Variants in ZNF106 observed in about 807,000 individuals in gnomAD.
ZNF106 encodes zinc finger protein 106.
A neutral mutation model predicts 195.1 loss-of-function variants in ZNF106; 67 were observed. That is an observed-to-expected ratio of 0.34 (90% CI 0.28 to 0.42). The LOEUF (loss-of-function observed/expected upper bound fraction) is 0.42. ZNF106 is among the 10% of genes least tolerant of loss of function. The probability of loss-of-function intolerance (pLI) is 1.00; values close to 1 mark genes in which losing one functional copy is unlikely to be tolerated. For synonymous variants in ZNF106, 784 were observed against 818.6 expected (o/e 0.96, Z 0.72); for missense variants, 2,118 against 2,304.5 (o/e 0.92, Z 1.66).
chr15:42,418,395 G>A (rs2054531997), intron 20 of ZNF106, among the ~76,000 whole-genome samples: 1 of 127,204 alleles, frequency 7.9e-6, no homozygotes, highest in East Asian at 2.3e-4. Flanking sequence ...TTTCACTCCT[G>A]TTGCCCAGGC....
Position 42,451,449 on chromosome 15 carries a change from AATTTCT to A in ZNF106, c.817_822del (p.Arg273_Asn274del). ...GTCATGTCTTCCATTTGACAGTTAG[AATTTCT>A]GTTTCTGCCTGGTTGAAATTTGTCT... is the stretch of plus-strand genomic sequence containing the variant. On this transcript the variant is annotated inframe_deletion, in exon 5 of 22. Transcript: ENST00000564754. The A allele has an allele frequency of 2.5e-6, 4 of 1,614,128 alleles. No individual in the cohort carries two copies. Among genetic ancestry groups the A allele is most frequent in the Non-Finnish European group, 3.4e-6 (4 of 1,180,034 alleles).
At chr15:42,422,723 CATATAATTA>C in intron 17 of ZNF106, 103 bp from the exon 18 acceptor site, 1 of 1,182,234 alleles carries the variant, frequency 8.5e-7, no homozygotes, top group Non-Finnish European at 1.1e-6. Flanking sequence ...ATACTGTACA[CATATAATTA>C]ATACAATTAA....
intron 16 of ZNF106, chr15:42,424,632 C>A: frequency 1.9e-6 from 1 of 539,186 alleles, no homozygotes; most frequent in Non-Finnish European, 3.3e-6. Context: ...GTGCACACCA[C>A]AACATCCCGC....
chr15:42,420,260 C>G (rs1285679799), intron 20 of ZNF106, among the ~76,000 whole-genome samples: 1 of 152,200 alleles, frequency 6.6e-6, no homozygotes, highest in Non-Finnish European at 1.5e-5. Flanking sequence ...TGCCATCCCA[C>G]TCCATCTTGC....
At chr15:42,456,238 T>C (rs962752746) in intron 4 of ZNF106, among the ~76,000 whole-genome samples, 1 of 152,222 alleles carries the variant, frequency 6.6e-6, no homozygotes, top group African/African-American at 2.4e-5. Flanking sequence ...GACTACACTG[T>C]TATTTTGGCG....
rs1208386862 is a variant in ZNF106 at position 42,437,371 on chromosome 15, G to T, written c.4607C>A (p.Ser1536Tyr). 1 of 1,612,302 alleles carries T rather than the reference G, an allele frequency of 6.2e-7. No homozygotes were observed. Among genetic ancestry groups the T allele is most frequent in the Non-Finnish European group, 8.5e-7 (1 of 1,179,668 alleles). Residue 1536 changes from serine to tyrosine, a missense_variant, in exon 13 of 22, where the codon TCT becomes TAT. Ser to Tyr is a moderately radical substitution (Grantham distance 144). Coordinates refer to ENST00000564754, the MANE Select transcript of ZNF106 (RefSeq NM_001366845.3). ...TTCATCATCATCTCCTGGCTCTGAA[G>T]ATATTTCTGGAAAACAAGAATAGGT... ...IKGSKNSSEI[S>Y]SEPGDDDEPT...
chr15:42,470,549 G>A (rs1306664273), intron 2 of ZNF106, among the ~76,000 whole-genome samples: 1 of 152,020 alleles, frequency 6.6e-6, no homozygotes, highest in Non-Finnish European at 1.5e-5. Context: ...ACTACAATCA[G>A]CTTTTCCTAG....
chr15:42,468,468 G>A (rs920734023), intron 2 of ZNF106, among the ~76,000 whole-genome samples: 2 of 151,968 alleles, frequency 1.3e-5, no homozygotes, highest in Non-Finnish European at 2.9e-5. Context: ...GAGTAGGCCA[G>A]GTGCGGTGGC....
rs974422279 is a variant in ZNF106, at chr15:42,414,311, A to G, written c.*2993T>C. On this transcript the variant is annotated 3_prime_UTR_variant, in exon 22 of 22. Coordinates refer to ENST00000564754, the MANE Select transcript of ZNF106 (RefSeq NM_001366845.3). ...CTCTTGTAAGTAGTAACACACAGCC[A>G]TAAGCAGCCAAAATGCTTATGGTCC... 1 of 152,284 alleles carries G rather than the reference A, an allele frequency of 6.6e-6. No individual in the cohort carries two copies. The highest frequency in any genetic ancestry group is 1.5e-5 in the Non-Finnish European group (1 of 68,052). 9.4% of individuals were successfully genotyped at this position (152,284 alleles called of 1,614,324 possible).
rs749377790 is a variant in ZNF106, at chr15:42,444,870, G to C, written c.3317C>G (p.Thr1106Arg). ...TAGCCTCTGAACTTCCACATAAGCT[G>C]TCTGAAGGGCTGCACGGGCTTGCAG... The part of the protein sequence containing the change: ...NLLQARAALQ[T>R]AYVEVQRLLM... The change falls in exon 8 of 22, where the codon ACA becomes AGA. Residue 1106 changes from threonine to arginine, a missense_variant. Coordinates refer to ENST00000564754, the MANE Select transcript of ZNF106 (RefSeq NM_001366845.3). 8 of 1,614,056 alleles carry C rather than the reference G, an allele frequency of 5.0e-6. No individual in the cohort carries two copies. Among genetic ancestry groups the C allele is most frequent in the East Asian group, 2.2e-5 (1 of 44,894 alleles).
At chr15:42,460,282 C>A (rs2056357714) in intron 3 of ZNF106, among the ~76,000 whole-genome samples, 1 of 151,954 alleles carries the variant, frequency 6.6e-6, no homozygotes, top group South Asian at 2.1e-4. Context: ...CTATCAAAAC[C>A]CCTCGCTCTT....
intron 4 of ZNF106, among the ~76,000 whole-genome samples, chr15:42,454,798 T>G (rs1171925441): frequency 6.7e-6 from 1 of 149,098 alleles, no homozygotes; most frequent in Non-Finnish European, 1.5e-5. Flanking sequence ...TCTCGGGAGG[T>G]TGAGGTGGGA....
At position 42,448,342 on chromosome 15, in the gene ZNF106, G is replaced by C. The variant is rs1320104950; in HGVS notation, c.2865C>G (p.Thr955=). ...RTGERAENVA[T]QRRHSAQLSS... ...ATAATTGTGCACTATGTCGCCTTTG[G>C]GTAGCAACATTTTCAGCCCTTTCAC... Residue 955 remains threonine (T), a synonymous_variant, in exon 6 of 22, where the codon ACC becomes ACG. Coordinates refer to ENST00000564754, the MANE Select transcript of ZNF106 (RefSeq NM_001366845.3). 18 of 1,614,146 alleles carry C rather than the reference G, an allele frequency of 1.1e-5. No homozygotes were observed. Among genetic ancestry groups the C allele is most frequent in the Non-Finnish European group, 1.5e-5 (18 of 1,180,026 alleles).
chr15:42,425,204 C>G (rs904208309), intron 15 of ZNF106, among the ~76,000 whole-genome samples, 179 bp from the exon 16 acceptor site: 1 of 152,178 alleles, frequency 6.6e-6, no homozygotes. Context: ...TACTGAACCT[C>G]CCCCATCCCC....
Position 42,448,630 on chromosome 15 carries a change from G to A in ZNF106, c.2577C>T (p.Ser859=). Residue 859 remains serine (S), a synonymous_variant, in exon 6 of 22, where the codon TCC becomes TCT. Coordinates refer to ENST00000564754, the MANE Select transcript of ZNF106 (RefSeq NM_001366845.3). ...ALDLDGEPDL[S]SLEGFQWEGV... is the part of the protein sequence containing the mutation. Reference sequence around the variant, plus strand: ...CTTCCCACTGGAATCCTTCTAGACTGGACAGATCAGGTTCCCCATCCAAAT... The same window carrying A: ...CTTCCCACTGGAATCCTTCTAGACTAGACAGATCAGGTTCCCCATCCAAAT... The A allele has an allele frequency of 1.2e-6, 2 of 1,613,740 alleles. No individual in the cohort carries two copies. The highest frequency in any genetic ancestry group is 1.7e-6 in the Non-Finnish European group (2 of 1,180,022).
rs2054428021 is a variant in ZNF106, at chr15:42,415,652, A to G, written c.*1652T>C. The G allele has an allele frequency of 3.6e-6, 1 of 276,100 alleles. No homozygotes were observed. Among genetic ancestry groups the G allele is most frequent in the Non-Finnish European group, 7.3e-6 (1 of 137,374 alleles). 17.1% of individuals were successfully genotyped at this position (276,100 alleles called of 1,614,324 possible). On this transcript the variant is annotated 3_prime_UTR_variant, in exon 22 of 22. Coordinates refer to ENST00000564754, the MANE Select transcript of ZNF106 (RefSeq NM_001366845.3). ...CGAAGACAGACCTGGATGGTCTGCA[A>G]TCCCAGAGAGCATGAGGCACCATGT... is the stretch of plus-strand genomic sequence containing the variant.
chr15:42,445,319 C>T (rs977627221), intron 7 of ZNF106, among the ~76,000 whole-genome samples: 2 of 152,198 alleles, frequency 1.3e-5, no homozygotes, highest in African/African-American at 4.8e-5. Flanking sequence ...CCTTTATCTA[C>T]CACTGTCTTC....
Position 42,449,977 on chromosome 15 carries a change from A to G in ZNF106, c.2295T>C (p.Thr765=), listed in dbSNP as rs749892503. ...LTRHISLKSK[T]GVHLPEPNLN... ...GGTTTGGCTCAGGAAGGTGTACTCC[A>G]GTTTTGCTCTTCAAACTAATGTGCC... Residue 765 remains threonine, a synonymous_variant, in exon 5 of 22, where the codon ACT becomes ACC. Transcript: ENST00000564754. The G allele has an allele frequency of 1.2e-6, 2 of 1,614,188 alleles. No homozygotes were observed. Among genetic ancestry groups the G allele is most frequent in the South Asian group, 1.1e-5 (1 of 91,086 alleles).
In ZNF106 at chr15:42,439,316, T is replaced by C. The variant is rs1427516704; in HGVS notation, c.4261A>G (p.Thr1421Ala). 1.9e-6 allele frequency: 3 copies of C among 1,614,050 alleles called. No homozygotes were observed. The highest frequency in any genetic ancestry group is 2.5e-6 in the Non-Finnish European group (3 of 1,180,016). ...GKLIKGGKVT[T>A]STWEDSRTGR... is the part of the protein sequence containing the mutation. ...GTCCTGCTGTCTTCCCAAGTGGAGG[T>C]TGTTACTTTCCCCCCTTTAATTAAC... Residue 1421 changes from threonine (T) to alanine (A), a missense_variant, in exon 11 of 22, where the codon ACC becomes GCC. Physicochemically the swap from Thr to Ala is moderately conservative, Grantham distance 58 (BLOSUM62 0). Coordinates refer to ENST00000564754, the MANE Select transcript of ZNF106 (RefSeq NM_001366845.3).
Sources: allele counts gnomAD v4.1 joint callset (sites outside exome capture counted in the v4.1 genomes callset), GRCh38; gene constraint gnomAD v4.1.1; transcripts MANE v1.5; gene names NCBI Gene and HGNC (gene_info 2026-07-23, HGNC 2026-07-21).